DLG5: variants seen among roughly 807,000 people sequenced by gnomAD.
DLG5 encodes the protein disks large homolog 5.
Under a neutral mutation model 189.8 loss-of-function variants are expected in DLG5, and 48 were observed. That is an observed-to-expected ratio of 0.25 (90% CI 0.20 to 0.32). DLG5 has a LOEUF of 0.32. Ranked by LOEUF, DLG5 falls within the 10% of genes least tolerant of loss-of-function variation. DLG5 has a pLI of 1.00. For missense variants in DLG5, 2,160 were observed against 2,544.7 expected (o/e 0.85, Z 3.25); for synonymous variants, 1,016 against 1,054.1 (o/e 0.96, Z 0.70).
chr10:77,926,928 G>T (rs781647893), upstream of DLG5: 1 of 355,030 alleles, frequency 2.8e-6, no homozygotes, highest in South Asian at 1.9e-5. The surrounding 1 kb of genome is among the most constrained non-coding windows in gnomAD (Gnocchi z 5.2). Context: ...GCCGCGCGCC[G>T]CCCCCAGAGC....
intron 2 of DLG5, among the ~76,000 whole-genome samples, chr10:77,863,657 G>A (rs1004735382): frequency 2.0e-5 from 3 of 152,218 alleles, no homozygotes; most frequent in African/African-American, 7.2e-5. Context: ...ATGCAAAGCT[G>A]TCAACTCTCC....
chr10:77,818,395 T>A (rs1842170551), intron 17 of DLG5, among the ~76,000 whole-genome samples: 1 of 152,160 alleles, frequency 6.6e-6, no homozygotes, highest in Admixed American at 6.5e-5. Flanking sequence ...TGTAATGAGG[T>A]GACATCTCTT....
intron 1 of DLG5, among the ~76,000 whole-genome samples, chr10:77,893,354 A>T (rs1454801878): frequency 6.6e-6 from 1 of 152,216 alleles, no homozygotes; most frequent in Admixed American, 6.5e-5. Flanking sequence ...TAATGCTGCC[A>T]CATTTTCCTT....
intron 2 of DLG5, among the ~76,000 whole-genome samples, chr10:77,857,190 C>A (rs936374302): frequency 6.6e-6 from 1 of 152,168 alleles, no homozygotes. Flanking sequence ...CTCCAGGATG[C>A]GACTGTTTTG....
At position 77,914,375 on chromosome 10, in the gene DLG5, G is replaced by A. The variant is rs12258633; in HGVS notation, c.304+11842C>T. Among the ~76,000 whole-genome samples, 784 of 152,230 alleles carry A rather than the reference G, an allele frequency of 5.2e-3. 8 individuals are homozygous for A. Among genetic ancestry groups the A allele is most frequent in the African/African-American group, 0.018 (743 of 41,522 alleles). ...AGCTACCCCCAGTAGCTCCAGAGGCGGCAGCAGCAGCTTGCTCCTGTCTCA... is the reference window on the plus strand; with the variant it reads ...AGCTACCCCCAGTAGCTCCAGAGGCAGCAGCAGCAGCTTGCTCCTGTCTCA... On this transcript the variant is annotated intron_variant, in intron 1 of 31. Transcript: ENST00000372391.
upstream of DLG5, among the ~76,000 whole-genome samples, chr10:77,930,287 G>A (rs917492538): frequency 4.6e-5 from 7 of 151,824 alleles, no homozygotes; most frequent in African/African-American, 1.7e-4. Context: ...TCACCGCTTG[G>A]TTGGTGCTTT....
intron 24 of DLG5, among the ~76,000 whole-genome samples, chr10:77,809,321 G>A (rs113315474): frequency 3.3e-4 from 50 of 152,252 alleles, no homozygotes; most frequent in African/African-American, 1.1e-3. Flanking sequence ...CAGGAGAATC[G>A]CTTGAACCTG....
At chr10:77,807,434 G>T (rs1291639410) in intron 25 of DLG5, among the ~76,000 whole-genome samples, 5 of 152,172 alleles carry the variant, frequency 3.3e-5, no homozygotes, top group Non-Finnish European at 7.3e-5. Flanking sequence ...TCATACAGTA[G>T]TAAGGGCACT....
chr10:77,875,453 G>A (rs530230371), intron 1 of DLG5, among the ~76,000 whole-genome samples: 3 of 148,914 alleles, frequency 2.0e-5, no homozygotes, highest in East Asian at 4.0e-4. Flanking sequence ...TCCCCACACC[G>A]AGACAACACT....
At chr10:77,926,931 C>G (rs748555087), upstream of DLG5, 11 of 364,162 alleles carry the variant, frequency 3.0e-5, no homozygotes, top group Admixed American at 9.2e-5. The surrounding 1 kb of genome is among the most constrained non-coding windows in gnomAD (Gnocchi z 5.2). Flanking sequence ...GCGCGCCGCC[C>G]CCAGAGCAAG....
At chr10:77,817,735 C>T (rs2154575498) in intron 18 of DLG5, 42 bp downstream of exon 18, 2 of 1,517,228 alleles carry the variant, frequency 1.3e-6, no homozygotes, top group Non-Finnish European at 1.8e-6. Context: ...AGATGAAAAG[C>T]TTGGCACCCT....
chr10:77,936,446 CAAAAAAA>C, the DLG5 span, among the ~76,000 whole-genome samples: 12 of 52,130 alleles, frequency 2.3e-4, no homozygotes, highest in East Asian at 1.9e-3. Context: ...CAAAACAAAA[CAAAAAAA>C]AAAAAAAAAA....
In DLG5 at chr10:77,821,972, G is replaced by A. The variant is rs921070046; in HGVS notation, c.2512C>T (p.His838Tyr). The stretch of plus-strand genomic sequence containing the variant: ...ATGTCTGTCTGCGTGGAGTTATTGT[G>A]CTGTATCAAGTTCCGTTTGTTATGA... ...QAHNKRNLIQHNNSTQTDIFY... is the reference protein window; with the variant it reads ...QAHNKRNLIQYNNSTQTDIFY... The change falls in exon 15 of 32, where the codon CAC (histidine) becomes TAC (tyrosine). Residue 838 changes from histidine to tyrosine, a missense_variant. By Grantham distance (83) the His-to-Tyr change is moderately conservative. This residue lies in a region of DLG5 where 754 missense variants were observed against 746.5 expected (regional missense o/e 1.01). Transcript: ENST00000372391. 2 of 1,614,246 alleles carry A rather than the reference G, an allele frequency of 1.2e-6. No individual in the cohort carries two copies. Among genetic ancestry groups the A allele is most frequent in the Non-Finnish European group, 1.7e-6 (2 of 1,180,044 alleles).
chr10:77,894,516 A>G (rs1484274295), intron 1 of DLG5, among the ~76,000 whole-genome samples: 2 of 139,738 alleles, frequency 1.4e-5, no homozygotes, highest in Non-Finnish European at 3.1e-5. Context: ...ATGAATGTGC[A>G]TGCTTTATTG....
Position 77,856,867 on chromosome 10 carries a change from T to G in DLG5, c.399A>C (p.Pro133=). The change falls in exon 3 of 32, where the codon CCA becomes CCC. Residue 133 remains proline, a synonymous_variant. Transcript: ENST00000372391. ...CTTGCTGGTCAGTGAGGAGGGGTGG[T>G]GGGGACGGCGCCTTCCCGGTAGTGC... ...SVGTTGKAPS[P]PPLLTDQQVN... is the part of the protein sequence containing the mutation. 4 of 1,612,016 alleles carry G rather than the reference T, an allele frequency of 2.5e-6. No individual in the cohort carries two copies. The highest frequency in any genetic ancestry group is 3.4e-6 in the Non-Finnish European group (4 of 1,179,828).
intron 1 of DLG5, 113 bp from the exon 2 acceptor site, chr10:77,869,310 T>A: frequency 1.0e-6 from 1 of 999,556 alleles, no homozygotes; most frequent in Non-Finnish European, 1.5e-6. Flanking sequence ...CACCAGGCAC[T>A]AGAAATCCAC....
chr10:77,835,191 C>G (rs1843065298), intron 8 of DLG5, among the ~76,000 whole-genome samples: 2 of 152,142 alleles, frequency 1.3e-5, no homozygotes, highest in African/African-American at 4.8e-5. Context: ...CCTTTTCCAC[C>G]TGGAAAAACC....
At chr10:77,870,294 G>C (rs1844846961) in intron 1 of DLG5, among the ~76,000 whole-genome samples, 1 of 152,168 alleles carries the variant, frequency 6.6e-6, no homozygotes, top group Admixed American at 6.5e-5. Context: ...TTTGCAATAA[G>C]GGCTTTGAAC....
chr10:77,820,008 C>G lies in DLG5; in HGVS notation c.3413G>C (p.Cys1138Ser), dbSNP rs2154575580. The G allele has an allele frequency of 1.2e-6, 2 of 1,613,424 alleles. No individual in the cohort carries two copies. The highest frequency in any genetic ancestry group is 1.7e-4 in the Middle Eastern group (1 of 6,058). ...IPAQFLEEQKCVPASGELSPE... is the reference protein window; with the variant it reads ...IPAQFLEEQKSVPASGELSPE... ...GGAGAGTTCTCCACTGGCCGGGACA[C>G]ACTTCTGTTCCTGCAGATGCAAGGG... The change falls in exon 16 of 32, where the codon TGT becomes TCT. Residue 1138 changes from cysteine to serine, a missense_variant. Around this residue, in one of 5 missense-constraint regions of DLG5, gnomAD observed 754 missense variants for 746.5 expected, o/e 1.01. Coordinates refer to ENST00000372391, the MANE Select transcript of DLG5 (RefSeq NM_004747.4).
Sources: allele counts gnomAD v4.1 joint callset (sites outside exome capture counted in the v4.1 genomes callset), GRCh38; gene constraint gnomAD v4.1.1; regional missense constraint gnomAD v4.1.1; non-coding constraint Gnocchi (gnomAD v3.1); transcripts MANE v1.5; gene names NCBI Gene and HGNC (gene_info 2026-07-23, HGNC 2026-07-21).